STOML1: variants seen among roughly 807,000 people sequenced by gnomAD.
The protein encoded by STOML1 is stomatin-like protein 1.
STOML1 carries 27 observed loss-of-function variants against 35.7 expected under a neutral mutation model. The ratio of observed to expected loss-of-function variants is 0.76; its 90% confidence interval spans 0.56 to 1.04. The LOEUF is 1.04. Ranked by LOEUF, STOML1 falls within the 50% of genes least tolerant of loss-of-function variation. The pLI is 0.00. For missense variants in STOML1, 451 were observed against 527.1 expected (o/e 0.86, Z 1.41); for synonymous variants, 219 against 227.9 (o/e 0.96, Z 0.35).
At chr15:73,985,157 C>T (rs1463223447) in intron 5 of STOML1, among the ~76,000 whole-genome samples, 161 bp downstream of exon 5, 2 of 152,228 alleles carry the variant, frequency 1.3e-5, no homozygotes, top group Non-Finnish European at 2.9e-5. Context: ...GGCCTCTACA[C>T]ACTCAGACAC....
intron 2 of STOML1, 169 bp downstream of exon 2, chr15:73,990,182 C>G (rs1384804165): frequency 4.7e-6 from 3 of 643,950 alleles, no homozygotes; most frequent in Non-Finnish European, 8.1e-6. Flanking sequence ...AAGCCCAAGC[C>G]TTAGTTTCCT....
intron 3 of STOML1, 98 bp downstream of exon 3, chr15:73,989,010 C>T: frequency 6.6e-7 from 1 of 1,504,818 alleles, no homozygotes; most frequent in Non-Finnish European, 8.9e-7. Flanking sequence ...TCCCCCTTCC[C>T]CCCTCAGATG....
chr15:73,991,778 A>C (rs1172095944), intron 1 of STOML1: 4 of 567,144 alleles, frequency 7.1e-6, no homozygotes, highest in South Asian at 6.4e-5. Flanking sequence ...TCTATGCGAA[A>C]TAGAAACCTG....
chr15:73,983,407 C>G lies in STOML1; in HGVS notation c.*530G>C, dbSNP rs1000841062. ...CAGCAGGCCCTGCTCCTTCCCATGC[C>G]CAATCCCGCCAGCACGGGCCTGGAC... is the stretch of plus-strand genomic sequence containing the variant. On this transcript the variant is annotated 3_prime_UTR_variant, in exon 7 of 7. Coordinates refer to ENST00000541638, the MANE Select transcript of STOML1 (RefSeq NM_004809.5). 9.2e-5 allele frequency: 14 copies of G among 152,562 alleles called. No individual in the cohort carries two copies. Among genetic ancestry groups the G allele is most frequent in the African/African-American group, 3.4e-4 (14 of 41,430 alleles). The allele number at this position is 152,562 out of a possible 1,614,324, so 9.5% of individuals were successfully genotyped here.
In STOML1 at chr15:73,983,796, C is replaced by CCTG. The variant is rs2068998487; in HGVS notation, c.*140_*141insCAG. On this transcript the variant is annotated 3_prime_UTR_variant, in exon 7 of 7. Coordinates refer to ENST00000541638, the MANE Select transcript of STOML1 (RefSeq NM_004809.5). ...AGCCGGACTCAGCCTCCTGCAGCCT[C>CCTG]CATTCATGGGCTCTTGGCTGGGCCT... 2 of 947,446 alleles carry CCTG rather than the reference C, an allele frequency of 2.1e-6. No individual in the cohort carries two copies. Among genetic ancestry groups the CCTG allele is most frequent in the Non-Finnish European group, 3.1e-6 (2 of 646,556 alleles). 58.7% of individuals were successfully genotyped at this position (947,446 alleles called of 1,614,324 possible).
chr15:73,988,764 G>A lies in STOML1; in HGVS notation c.429C>T (p.Ala143=), dbSNP rs756057409. 19 of 1,614,046 alleles carry A rather than the reference G, an allele frequency of 1.2e-5. No individual in the cohort carries two copies. The highest frequency in any genetic ancestry group is 6.7e-5 in the African/African-American group (5 of 74,928). ...GGTCCCAGATGCGAAACTGGACATC[G>A]GCTCCCACGGACAGCACAGCCCCGT... The part of the protein sequence containing the change: ...SKDGAVLSVG[A]DVQFRIWDPV... Residue 143 remains alanine, a synonymous_variant, in exon 4 of 7, where the codon GCC becomes GCT. Coordinates refer to ENST00000541638, the MANE Select transcript of STOML1 (RefSeq NM_004809.5). The surrounding 1 kb of genome is among the most constrained non-coding windows in gnomAD (Gnocchi z 4.8).
intron 2 of STOML1, among the ~76,000 whole-genome samples, chr15:73,989,535 A>G (rs1405958411): frequency 1.3e-5 from 2 of 152,190 alleles, no homozygotes; most frequent in Non-Finnish European, 2.9e-5. Context: ...TGATCCTTAG[A>G]GAAACTTTTC....
chr15:73,992,651 T>A (rs185834192), upstream of STOML1, among the ~76,000 whole-genome samples: 1,321 of 152,226 alleles, frequency 8.7e-3, 20 homozygotes, highest in African/African-American at 0.03. Flanking sequence ...CTACAAAAAA[T>A]TTTTAAAAAT....
chr15:73,984,602 G>C, intron 6 of STOML1, 57 bp downstream of exon 6: 1 of 1,593,750 alleles, frequency 6.3e-7, no homozygotes, highest in Non-Finnish European at 8.6e-7. Flanking sequence ...CACTGGGGTA[G>C]GTAACAAGAA....
rs766085387 is a variant in STOML1, at chr15:73,984,661, G to A, written c.1001C>T (p.Thr334Ile). The A allele has an allele frequency of 1.2e-6, 2 of 1,614,060 alleles. No individual in the cohort carries two copies. Among genetic ancestry groups the A allele is most frequent in the Non-Finnish European group, 1.7e-6 (2 of 1,179,970 alleles). Residue 334 changes from threonine to isoleucine, a missense_variant and splice_region_variant, in exon 6 of 7, where the codon ACA (threonine) becomes ATA (isoleucine). Coordinates refer to ENST00000541638, the MANE Select transcript of STOML1 (RefSeq NM_004809.5). The stretch of plus-strand genomic sequence containing the variant: ...AGAGGCAAGGAGGGCAGCGGCACCT[G>A]TAGTGAGGTCCAGGAAGTAGGCGCT... ...TQSAYFLDLT[T>I]GRGRVGHGVP... is the part of the protein sequence containing the mutation.
chr15:73,988,266 A>G lies in STOML1; in HGVS notation c.594+333T>C. The G allele has an allele frequency of 7.5e-6, 2 of 267,142 alleles. No homozygotes were observed. Among genetic ancestry groups the G allele is most frequent in the Non-Finnish European group, 1.5e-5 (2 of 136,574 alleles). The allele number at this position is 267,142 out of a possible 1,614,324, so 16.5% of individuals were successfully genotyped here. On this transcript the variant is annotated intron_variant, in intron 4 of 6. Coordinates refer to ENST00000541638, the MANE Select transcript of STOML1 (RefSeq NM_004809.5). The surrounding 1 kb of genome is among the most constrained non-coding windows in gnomAD (Gnocchi z 4.8). ...GCTCCATCACCCATCTGCCTGCCCCATGAGTCAGGCCCGGAATGAGAGCTG... is the reference window on the plus strand; with the variant it reads ...GCTCCATCACCCATCTGCCTGCCCCGTGAGTCAGGCCCGGAATGAGAGCTG...
rs1324509863 is a variant in STOML1, at chr15:73,992,129, C to G, written c.95G>C (p.Cys32Ser). The G allele has an allele frequency of 6.2e-7, 1 of 1,606,372 alleles. No individual in the cohort carries two copies. The highest frequency in any genetic ancestry group is 8.5e-7 in the Non-Finnish European group (1 of 1,177,342). The change falls in exon 1 of 7, where the codon TGC becomes TCC. Residue 32 changes from cysteine to serine, a missense_variant. By Grantham distance (112) the Cys-to-Ser change is moderately radical. Coordinates refer to ENST00000541638, the MANE Select transcript of STOML1 (RefSeq NM_004809.5). The stretch of plus-strand genomic sequence containing the variant: ...CACGCCGCCCCGCTCCGGGGACAAG[C>G]AGCCCTTCTGCGAGCCCAGAAAGCC... Reference protein sequence around the residue: ...SFGFLGSQKGCLSPERGGVGT... With the variant: ...SFGFLGSQKGSLSPERGGVGT...
rs1327752436 is a variant in STOML1 at position 73,988,966 on chromosome 15, C to T, written c.390+142G>A. 6 of 1,434,648 alleles carry T rather than the reference C, an allele frequency of 4.2e-6. No individual in the cohort carries two copies. In the South Asian group the frequency reaches 8.3e-5, roughly 20 times the overall value. The allele number at this position is 1,434,648 out of a possible 1,614,324, so 88.9% of individuals were successfully genotyped here. ...GGTTAGGTGTATGAAGCAAGGATGT[C>T]CTCCTAGCTTCCATCAATTTTCTGG... is the stretch of plus-strand genomic sequence containing the variant. On this transcript the variant is annotated intron_variant, in intron 3 of 6. Coordinates refer to ENST00000541638, the MANE Select transcript of STOML1 (RefSeq NM_004809.5). The surrounding 1 kb of genome is among the most constrained non-coding windows in gnomAD (Gnocchi z 4.8).
chr15:73,993,037 G>A (rs1481368421), upstream of STOML1, among the ~76,000 whole-genome samples: 3 of 152,172 alleles, frequency 2.0e-5, no homozygotes, highest in Non-Finnish European at 4.4e-5. Flanking sequence ...CCAGGTCACC[G>A]TGATCAAGGT....
In STOML1 at chr15:73,983,860, A is replaced by C. The variant is rs1364447535; in HGVS notation, c.*77T>G. The C allele has an allele frequency of 2.3e-5, 34 of 1,492,610 alleles. No homozygotes were observed. Among genetic ancestry groups the C allele is most frequent in the Non-Finnish European group, 2.7e-5 (30 of 1,108,694 alleles). The allele number at this position is 1,492,610 out of a possible 1,614,324, so 92.5% of individuals were successfully genotyped here. A position where few individuals can be genotyped will look rare whatever the true frequency, so the allele number is the denominator to read the frequency against. On this transcript the variant is annotated 3_prime_UTR_variant, in exon 7 of 7. Transcript: ENST00000541638. ...GCCTCAACTCTCTGTGGTGCAGATG[A>C]ACACCTCCTCCTCCAAGAGGCCCCT... is the stretch of plus-strand genomic sequence containing the variant.
At chr15:73,990,974 C>T (rs760005390) in intron 1 of STOML1, 8 of 1,443,440 alleles carry the variant, frequency 5.5e-6, no homozygotes, top group Admixed American at 2.6e-5. Flanking sequence ...AATAGCTTAT[C>T]AACGGGAGCC....
rs1441679069 is a variant in STOML1, at chr15:73,988,362, CG to C, written c.594+236del. Reference sequence around the variant, plus strand: ...AGGGGCAGACCCCAAGAATGTCTGCCGGGGCCACTTCCTCTTCTCAGGGACA... The same window carrying C: ...AGGGGCAGACCCCAAGAATGTCTGCCGGGCCACTTCCTCTTCTCAGGGACA... On this transcript the variant is annotated intron_variant, in intron 4 of 6. Coordinates refer to ENST00000541638, the MANE Select transcript of STOML1 (RefSeq NM_004809.5). The surrounding 1 kb of genome is among the most constrained non-coding windows in gnomAD (Gnocchi z 4.8). The C allele has an allele frequency of 5.5e-6, 3 of 543,392 alleles. No individual in the cohort carries two copies. The highest frequency in any genetic ancestry group is 9.8e-6 in the Non-Finnish European group (3 of 304,654). The allele number at this position is 543,392 out of a possible 1,614,324, so 33.7% of individuals were successfully genotyped here.
intron 1 of STOML1, chr15:73,990,726 T>G (rs1346214373): frequency 2.9e-6 from 4 of 1,369,816 alleles, no homozygotes; most frequent in Middle Eastern, 1.8e-4. Flanking sequence ...AGCCATTCAA[T>G]CTCAGAATCC....
chr15:73,984,332 A>C (rs2069018534), intron 6 of STOML1, among the ~76,000 whole-genome samples: 1 of 152,204 alleles, frequency 6.6e-6, no homozygotes, highest in African/African-American at 2.4e-5. Context: ...TAATTCCTTT[A>C]GAGATGACAA....
Sources: gnomAD v4.1 joint callset for allele counts (sites outside exome capture counted in the v4.1 genomes callset) on GRCh38, gnomAD v4.1.1 for gene constraint, Gnocchi (gnomAD v3.1) non-coding constraint, MANE v1.5 for transcripts, NCBI Gene and HGNC (gene_info 2026-07-23, HGNC 2026-07-21) for gene names.